The following GPC6 variants were observed in gnomAD, a reference collection of about 807,000 sequenced individuals.
GPC6 encodes glypican 6, also known as glypican-6.
A neutral mutation model predicts 55.2 loss-of-function variants in GPC6; 14 were observed. The observed-to-expected ratio is 0.25, with a 90% CI of 0.17 to 0.40. GPC6 has a LOEUF of 0.40. Among genes scored for constraint, GPC6 ranks in the 10% least tolerant of loss-of-function variants. The probability of loss-of-function intolerance (pLI) is 1.00; values close to 1 mark genes in which losing one functional copy is unlikely to be tolerated. For synonymous variants in GPC6, 278 were observed against 259.6 expected (o/e 1.07, Z -0.68); for missense variants, 641 against 708.5 (o/e 0.90, Z 1.08).
chr13:93,280,899 C>T (rs567186488), intron 1 of GPC6, among the ~76,000 whole-genome samples: 1 of 152,310 alleles, frequency 6.6e-6, no homozygotes, highest in African/African-American at 2.4e-5. Context: ...GTTCGTGCTC[C>T]TATGAGAATC....
intron 2 of GPC6, among the ~76,000 whole-genome samples, chr13:93,753,731 C>A (rs569588932): frequency 3.3e-5 from 5 of 152,194 alleles, no homozygotes; most frequent in Admixed American, 2.6e-4. Context: ...CTCCACCAAC[C>A]ACCCACCACC....
intron 6 of GPC6, among the ~76,000 whole-genome samples, chr13:94,307,584 A>C (rs1460463937): frequency 1.3e-5 from 2 of 152,198 alleles, no homozygotes; most frequent in Non-Finnish European, 2.9e-5. Flanking sequence ...AAGTGCTGGG[A>C]TTACAGGCAT....
intron 2 of GPC6, among the ~76,000 whole-genome samples, chr13:93,560,792 T>C (rs1470574320): frequency 6.6e-6 from 1 of 151,008 alleles, no homozygotes. Flanking sequence ...AGAATTTTGC[T>C]CAATATCCAG....
At chr13:94,015,013 T>G (rs1402658738) in intron 3 of GPC6, among the ~76,000 whole-genome samples, 1 of 152,234 alleles carries the variant, frequency 6.6e-6, no homozygotes, top group Non-Finnish European at 1.5e-5. Context: ...AAAAGTTTTT[T>G]GGGTGATGTA....
chr13:93,598,235 G>C (rs988959736), intron 2 of GPC6, among the ~76,000 whole-genome samples: 1 of 152,142 alleles, frequency 6.6e-6, no homozygotes, highest in Non-Finnish European at 1.5e-5. Context: ...GTATTCAAGG[G>C]TCAATTATAA....
At chr13:94,018,600 T>C (rs1882575837) in intron 3 of GPC6, among the ~76,000 whole-genome samples, 1 of 152,204 alleles carries the variant, frequency 6.6e-6, no homozygotes, top group African/African-American at 2.4e-5. Context: ...TGTATAATCC[T>C]TTTAATATGC....
At chr13:93,240,234 C>T (rs992375132) in intron 1 of GPC6, among the ~76,000 whole-genome samples, 2 of 152,056 alleles carry the variant, frequency 1.3e-5, no homozygotes, top group Non-Finnish European at 2.9e-5. Flanking sequence ...AAGTCCCCCA[C>T]TATGACTGTA....
chr13:93,664,943 A>G lies in GPC6; in HGVS notation c.319+119522A>G, dbSNP rs149988481. Among the ~76,000 whole-genome samples the G allele has an allele frequency of 2.5e-4, 38 of 152,384 alleles. No homozygotes were observed. In the East Asian group the frequency reaches 7.3e-3, roughly 29 times the overall value. ...TCAACTGTCATATCAGCAACAATTTAAACAGTTGTTATTCTCAGTGTTGAA... is the reference window on the plus strand; with the variant it reads ...TCAACTGTCATATCAGCAACAATTTGAACAGTTGTTATTCTCAGTGTTGAA... On this transcript the variant is annotated intron_variant, in intron 2 of 8. Coordinates refer to ENST00000377047, the MANE Select transcript of GPC6 (RefSeq NM_005708.5).
At chr13:94,042,551 T>G (rs1468989493) in intron 4 of GPC6, among the ~76,000 whole-genome samples, 9 of 151,910 alleles carry the variant, frequency 5.9e-5, no homozygotes, top group Admixed American at 5.9e-4. Context: ...TTCTCCACTT[T>G]CCTTATCTCT....
At chr13:93,535,458 T>C (rs1882020060) in intron 1 of GPC6, among the ~76,000 whole-genome samples, 1 of 152,162 alleles carries the variant, frequency 6.6e-6, no homozygotes, top group African/African-American at 2.4e-5. Flanking sequence ...ACATGGTCTC[T>C]GCCATAACTG....
In GPC6 at chr13:94,404,048, C is replaced by A. The variant is rs1051899138; in HGVS notation, c.*831C>A. On this transcript the variant is annotated 3_prime_UTR_variant, in exon 9 of 9. Coordinates refer to ENST00000377047, the MANE Select transcript of GPC6 (RefSeq NM_005708.5). The stretch of plus-strand genomic sequence containing the variant: ...ACTAGTAGCTACCCCCATCAATTCA[C>A]CTTCCTCAAGAGTCTCAATTGAAAA... 1.3e-5 allele frequency: 2 copies of A among 152,192 alleles called. No individual in the cohort carries two copies. The highest frequency in any genetic ancestry group is 2.4e-5 in the African/African-American group (1 of 41,422). The allele number at this position is 152,192 out of a possible 1,614,324, so 9.4% of individuals were successfully genotyped here.
At chr13:93,611,952 T>C (rs1241350092) in intron 2 of GPC6, among the ~76,000 whole-genome samples, 1 of 152,142 alleles carries the variant, frequency 6.6e-6, no homozygotes, top group Non-Finnish European at 1.5e-5. Flanking sequence ...AAACTCACAG[T>C]CATTGTCTTT....
At chr13:93,888,243 A>G (rs2140315433) in intron 3 of GPC6, among the ~76,000 whole-genome samples, 1 of 152,258 alleles carries the variant, frequency 6.6e-6, no homozygotes, top group South Asian at 2.1e-4. Flanking sequence ...TATAAAGCAA[A>G]AGATAGTATC....
chr13:94,064,783 G>A (rs1884457573), intron 4 of GPC6, among the ~76,000 whole-genome samples: 1 of 152,110 alleles, frequency 6.6e-6, no homozygotes, highest in Non-Finnish European at 1.5e-5. Context: ...TCTCTTGCCT[G>A]AATCCCTGAC....
At chr13:93,534,700 G>A (rs529072034) in intron 1 of GPC6, among the ~76,000 whole-genome samples, 3 of 152,296 alleles carry the variant, frequency 2.0e-5, no homozygotes, top group Non-Finnish European at 2.9e-5. Flanking sequence ...AGAGCAACAC[G>A]TAAGTTGAAA....
chr13:93,231,357 ATACG>A lies in GPC6; in HGVS notation c.160+3744_160+3747del, dbSNP rs1389321254. ...TATATATATATATACATATATATAT[ATACG>A]TATATATATATATATATACATATAT... On this transcript the variant is annotated intron_variant, in intron 1 of 8. Coordinates refer to ENST00000377047, the MANE Select transcript of GPC6 (RefSeq NM_005708.5). Among the ~76,000 whole-genome samples, 155 of 29,222 alleles carry A rather than the reference ATACG, an allele frequency of 5.3e-3. 2 individuals are homozygous for A. Among genetic ancestry groups the A allele is most frequent in the African/African-American group, 0.026 (143 of 5,408 alleles). 19.2% of individuals were successfully genotyped at this position (29,222 alleles called of 152,430 possible). A position where few individuals can be genotyped will look rare whatever the true frequency, so the allele number is the denominator to read the frequency against.
chr13:94,361,217 TC>T (rs1879045003), intron 6 of GPC6, among the ~76,000 whole-genome samples: 1 of 152,206 alleles, frequency 6.6e-6, no homozygotes. Flanking sequence ...CCTGTCTCAC[TC>T]CTTGTTGTAC....
rs750439638 is a variant in GPC6 at position 94,005,719 on chromosome 13, A to G, written c.712-22010A>G. On this transcript the variant is annotated intron_variant, in intron 3 of 8. Transcript: ENST00000377047. ...GTTGGCCAAAATATGCAGCTACAAAAATGAGCCCTAGAATATTAAACATGT... is the reference window on the plus strand; with the variant it reads ...GTTGGCCAAAATATGCAGCTACAAAGATGAGCCCTAGAATATTAAACATGT... Among the ~76,000 whole-genome samples the G allele has an allele frequency of 1.2e-4, 18 of 152,150 alleles. 1 individual carries two copies. The South Asian group carries it at 1.5e-3, about 12-fold the overall frequency.
chr13:93,679,678 T>G, intron 2 of GPC6, among the ~76,000 whole-genome samples: 1 of 152,144 alleles, frequency 6.6e-6, no homozygotes, highest in East Asian at 1.9e-4. Context: ...GTCTAGAAGT[T>G]TGTGATCTTT....
Sources: allele counts gnomAD v4.1 joint callset (sites outside exome capture counted in the v4.1 genomes callset), GRCh38; gene constraint gnomAD v4.1.1; transcripts MANE v1.5; gene names NCBI Gene and HGNC (gene_info 2026-07-23, HGNC 2026-07-21).